The following EOGT variants were observed in gnomAD, a reference collection of about 807,000 sequenced individuals.
EOGT encodes the protein EGF domain-specific O-linked N-acetylglucosamine transferase.
Under a neutral mutation model 70.5 loss-of-function variants are expected in EOGT, and 55 were observed. The ratio of observed to expected loss-of-function variants is 0.78; its 90% CI spans 0.63 to 0.98. EOGT has a LOEUF of 0.98. Ranked by LOEUF, EOGT falls within the 50% of genes least tolerant of loss-of-function variation. The pLI is 0.00. For synonymous variants in EOGT, 246 were observed against 217.1 expected, an observed-to-expected ratio of 1.13 and a Z score of -1.17; for missense variants, 703 against 641.9, an observed-to-expected ratio of 1.10 and a Z score of -1.03.
intron 13 of EOGT, 72 bp downstream of exon 13, chr3:68,988,223 G>T: frequency 9.5e-7 from 1 of 1,057,442 alleles, no homozygotes; most frequent in Non-Finnish European, 1.4e-6. Flanking sequence ...TTCTGTTTCT[G>T]AAAAGGTGGT....
At chr3:68,982,949 TC>T in intron 14 of EOGT, 77 bp from the exon 15 acceptor site, 5 of 1,065,090 alleles carry the variant, frequency 4.7e-6, no homozygotes, top group Non-Finnish European at 6.7e-6. Flanking sequence ...TCCTAAAATT[TC>T]TTTTTTTGCA....
At chr3:68,989,137 A>T in intron 10 of EOGT, 120 bp from the exon 11 acceptor site, 1 of 538,220 alleles carries the variant, frequency 1.9e-6, no homozygotes, top group East Asian at 3.2e-5. Flanking sequence ...ACGCAAGTTC[A>T]TAAAATCCAT....
In EOGT at chr3:69,009,664, A is replaced by G; in HGVS notation, c.183T>C (p.Cys61=). The change falls in exon 4 of 18, where the codon TGT becomes TGC. Residue 61 remains cysteine, a synonymous_variant. Transcript: ENST00000383701. ...LHNNRHIATV[C]RKDSLCPYKK... ...TATATGGACAAAGAGAGTCTTTCCTACAGACAGTGGCAATATGCCTATTGT... is the reference window on the plus strand; with the variant it reads ...TATATGGACAAAGAGAGTCTTTCCTGCAGACAGTGGCAATATGCCTATTGT... 6.2e-7 allele frequency: 1 copy of G among 1,613,866 alleles called. No homozygotes were observed. Among genetic ancestry groups the G allele is most frequent in the Admixed American group, 1.7e-5 (1 of 60,020 alleles).
rs1011699047 is a variant in EOGT at position 69,001,780 on chromosome 3, A to G, written c.621-66T>C. 88 of 1,099,306 alleles carry G rather than the reference A, an allele frequency of 8.0e-5. No individual in the cohort carries two copies. The African/African-American group carries it at 1.3e-3, about 16-fold the overall frequency. 68.1% of individuals were successfully genotyped at this position (1,099,306 alleles called of 1,614,324 possible). On this transcript the variant is annotated intron_variant, in intron 8 of 17. Coordinates refer to ENST00000383701, the MANE Select transcript of EOGT (RefSeq NM_001278689.2). Reference sequence around the variant, plus strand: ...CCAAACTTCCTATTAGAACACTGTAACTTAGGATCTGTTCATTAGGCAGAT... The same window carrying G: ...CCAAACTTCCTATTAGAACACTGTAGCTTAGGATCTGTTCATTAGGCAGAT...
chr3:68,984,134 T>A (rs2090733100), intron 14 of EOGT, among the ~76,000 whole-genome samples: 1 of 152,070 alleles, frequency 6.6e-6, no homozygotes. Flanking sequence ...AGAACCTGCG[T>A]TCTTAACCAG....
intron 14 of EOGT, 147 bp from the exon 15 acceptor site, chr3:68,983,019 T>C (rs1277489642): frequency 1.8e-6 from 1 of 567,798 alleles, no homozygotes; most frequent in East Asian, 3.0e-5. Flanking sequence ...AAAAAGAAAA[T>C]AAATAAATAT....
chr3:69,002,741 A>C (rs927841531), intron 8 of EOGT, among the ~76,000 whole-genome samples: 11 of 151,644 alleles, frequency 7.3e-5, no homozygotes, highest in Non-Finnish European at 1.2e-4. Flanking sequence ...TGCAGCCTCG[A>C]CCTCCTGAGC....
chr3:68,984,633 A>G (rs1430358490), intron 14 of EOGT, among the ~76,000 whole-genome samples: 1 of 152,144 alleles, frequency 6.6e-6, no homozygotes, highest in African/African-American at 2.4e-5. Flanking sequence ...GTAACATCCA[A>G]TCCTCAAGAA....
intron 14 of EOGT, among the ~76,000 whole-genome samples, chr3:68,986,243 G>A (rs1325424164): frequency 6.6e-6 from 1 of 152,152 alleles, no homozygotes; most frequent in Admixed American, 6.5e-5. Context: ...CCAGTTGGTT[G>A]GGGACCTTAA....
chr3:68,982,961 T>A, intron 14 of EOGT, 89 bp from the exon 15 acceptor site: 1 of 770,118 alleles, frequency 1.3e-6, no homozygotes, highest in South Asian at 2.0e-5. Flanking sequence ...TTTTTTTGCA[T>A]ATACTATTTC....
rs1201865626 is a variant in EOGT, at chr3:68,988,954, T to A, written c.895A>T (p.Ile299Leu). Reference sequence around the variant, plus strand: ...TTGGAATCATAAGTTTTCAAATGTATAACGTCATAATCAGTAAATGCATTC... The same window carrying A: ...TTGGAATCATAAGTTTTCAAATGTAAAACGTCATAATCAGTAAATGCATTC... ...TWNAFTDYDV[I>L]HLKTYDSKRV... Residue 299 changes from isoleucine (I) to leucine (L), a missense_variant, in exon 11 of 18, where the codon ATA becomes TTA. Transcript: ENST00000383701. The A allele has an allele frequency of 1.4e-5, 21 of 1,530,218 alleles. No individual in the cohort carries two copies. Among genetic ancestry groups the A allele is most frequent in the Non-Finnish European group, 1.6e-5 (18 of 1,143,814 alleles). 94.8% of individuals were successfully genotyped at this position (1,530,218 alleles called of 1,614,324 possible). A position where few individuals can be genotyped will look rare whatever the true frequency, so the allele number is the denominator to read the frequency against.
Position 68,984,273 on chromosome 3 carries a change from T to C in EOGT, c.1153-1401A>G, listed in dbSNP as rs539688768. On this transcript the variant is annotated intron_variant, in intron 14 of 17. Coordinates refer to ENST00000383701, the MANE Select transcript of EOGT (RefSeq NM_001278689.2). Reference sequence around the variant, plus strand: ...CAGTCATAACATGGAAATTTCCCTCTCCAGACAGCCACTGAAATCTTATAA... The same window carrying C: ...CAGTCATAACATGGAAATTTCCCTCCCCAGACAGCCACTGAAATCTTATAA... Among the ~76,000 whole-genome samples, 398 of 151,966 alleles carry C rather than the reference T, an allele frequency of 2.6e-3. 4 individuals are homozygous for C. Among genetic ancestry groups the C allele is most frequent in the African/African-American group, 9.3e-3 (384 of 41,448 alleles).
Position 69,002,162 on chromosome 3 carries a change from G to T in EOGT, c.621-448C>A, listed in dbSNP as rs114377977. ...AGCCGAGATGGTGCCAAAAGGAGCC[G>T]AGGCTTACAACAACCTGAGTGAGTT... On this transcript the variant is annotated intron_variant, in intron 8 of 17. Transcript: ENST00000383701. 6.4e-3 allele frequency among the ~76,000 whole-genome samples: 979 copies of T among 152,234 alleles called. 3 individuals carry two copies. Among genetic ancestry groups the T allele is most frequent in the Non-Finnish European group, 0.011 (726 of 68,012 alleles).
At chr3:68,979,845 A>G in intron 15 of EOGT, 58 bp from the exon 16 acceptor site, 1 of 1,543,836 alleles carries the variant, frequency 6.5e-7, no homozygotes, top group Non-Finnish European at 8.9e-7. Flanking sequence ...TATTAGGTTG[A>G]GTTAGTTCAT....
chr3:68,987,358 C>T (rs1200765007), intron 14 of EOGT, 87 bp downstream of exon 14: 1 of 989,438 alleles, frequency 1.0e-6, no homozygotes, highest in Non-Finnish European at 1.5e-6. Context: ...TAAACCAAAG[C>T]TTTTAACGTA....
At position 68,976,641 on chromosome 3, in the gene EOGT, C is replaced by CATGTGTGTGTGTGT. The variant is rs71618257; in HGVS notation, c.*976_*977insACACACACACACAT. ...CTTGGTACTGAGAATCACAACTCTG[C>CATGTGTGTGTGTGT]GTGTGTGTGTGTGTGTGTGTGTGTG... is the stretch of plus-strand genomic sequence containing the variant. On this transcript the variant is annotated 3_prime_UTR_variant, in exon 18 of 18. Coordinates refer to ENST00000383701, the MANE Select transcript of EOGT (RefSeq NM_001278689.2). 6.9e-6 allele frequency: 1 copy of CATGTGTGTGTGTGT among 144,306 alleles called. No individual in the cohort carries two copies. The highest frequency in any genetic ancestry group is 7.0e-5 in the Admixed American group (1 of 14,296). The allele number at this position is 144,306 out of a possible 1,614,324, so 8.9% of individuals were successfully genotyped here.
At chr3:68,980,315 T>G (rs1418647154) in intron 15 of EOGT, among the ~76,000 whole-genome samples, 1 of 152,242 alleles carries the variant, frequency 6.6e-6, no homozygotes, top group Non-Finnish European at 1.5e-5. Flanking sequence ...TAAGTTTTTA[T>G]AATGCCCTCT....
rs906649878 is a variant in EOGT at position 68,976,723 on chromosome 3, T to G, written c.*895A>C. The G allele has an allele frequency of 6.6e-6, 1 of 152,100 alleles. No individual in the cohort carries two copies. Among genetic ancestry groups the G allele is most frequent in the Non-Finnish European group, 1.5e-5 (1 of 67,990 alleles). The allele number at this position is 152,100 out of a possible 1,614,324, so 9.4% of individuals were successfully genotyped here. On this transcript the variant is annotated 3_prime_UTR_variant, in exon 18 of 18. Coordinates refer to ENST00000383701, the MANE Select transcript of EOGT (RefSeq NM_001278689.2). ...CACAAACAGTGTTATAACCAGATTATGGCAAATAAAAGAACAGTTGTAAAT... is the reference window on the plus strand; with the variant it reads ...CACAAACAGTGTTATAACCAGATTAGGGCAAATAAAAGAACAGTTGTAAAT...
In EOGT at chr3:69,006,489, A is replaced by C. The variant is rs2091442990; in HGVS notation, c.420+1224T>G. 2.0e-5 allele frequency among the ~76,000 whole-genome samples: 3 copies of C among 152,362 alleles called. No homozygotes were observed. In the South Asian group the frequency reaches 6.2e-4, roughly 32 times the overall value. ...TGTCAGAGACTCAGGGTTCAGGATC[A>C]TTGAACAGTGTACCTTAATCGTAAG... On this transcript the variant is annotated intron_variant, in intron 6 of 17. Transcript: ENST00000383701.
Sources: gnomAD v4.1 joint callset for allele counts (sites outside exome capture counted in the v4.1 genomes callset) on GRCh38, gnomAD v4.1.1 for gene constraint, MANE v1.5 for transcripts, NCBI Gene and HGNC (gene_info 2026-07-23, HGNC 2026-07-21) for gene names.